Variants in SDCCAG8 observed in about 807,000 individuals in gnomAD.
The protein encoded by SDCCAG8 is serologically defined colon cancer antigen 8.
In SDCCAG8, 74 loss-of-function variants were observed where a neutral mutation model predicts 101.8. The ratio of observed to expected loss-of-function variants is 0.73; its 90% CI spans 0.60 to 0.88. SDCCAG8 has a LOEUF of 0.88. Ranked by LOEUF, SDCCAG8 falls within the 40% of genes least tolerant of loss-of-function variation. The pLI is 0.00. For missense variants in SDCCAG8, 787 were observed against 822.6 expected, an observed-to-expected ratio of 0.96 and a Z score of 0.53; for synonymous variants, 281 against 292.9, an observed-to-expected ratio of 0.96 and a Z score of 0.41.
intron 6 of SDCCAG8, among the ~76,000 whole-genome samples, chr1:243,303,127 C>T (rs1384388455): frequency 6.6e-6 from 1 of 152,144 alleles, no homozygotes; most frequent in Non-Finnish European, 1.5e-5. Context: ...ACACAAAGGA[C>T]TTAACAGAAG....
intron 13 of SDCCAG8, among the ~76,000 whole-genome samples, chr1:243,415,309 A>C (rs1209852376): frequency 6.6e-6 from 1 of 152,138 alleles, no homozygotes; most frequent in African/African-American, 2.4e-5. Context: ...TACAAAGCTT[A>C]GTTTTAAGAA....
At chr1:243,325,382 T>A (rs537211087) in intron 9 of SDCCAG8, among the ~76,000 whole-genome samples, 237 of 152,140 alleles carry the variant, frequency 1.6e-3, no homozygotes, top group African/African-American at 5.5e-3. Flanking sequence ...ACACTAGAAT[T>A]TTTGCTTTCT....
At chr1:243,295,156 G>A (rs1305423498) in intron 6 of SDCCAG8, among the ~76,000 whole-genome samples, 1 of 152,060 alleles carries the variant, frequency 6.6e-6, no homozygotes, top group African/African-American at 2.4e-5. Context: ...ATAGGATAAA[G>A]ACCAATGTCT....
At chr1:243,379,199 A>G (rs995279056) in intron 13 of SDCCAG8, among the ~76,000 whole-genome samples, 3 of 152,200 alleles carry the variant, frequency 2.0e-5, no homozygotes, top group Non-Finnish European at 4.4e-5. Flanking sequence ...GAACTGAAGG[A>G]TGTGAGGAAT....
intron 16 of SDCCAG8, among the ~76,000 whole-genome samples, chr1:243,441,460 C>T (rs1044664351): frequency 6.6e-6 from 1 of 150,718 alleles, no homozygotes; most frequent in Non-Finnish European, 1.5e-5. Flanking sequence ...TTTGGTTCTT[C>T]ATTTCTAGAA....
intron 13 of SDCCAG8, among the ~76,000 whole-genome samples, chr1:243,385,488 G>A (rs1316011246): frequency 6.6e-6 from 1 of 152,156 alleles, no homozygotes; most frequent in Non-Finnish European, 1.5e-5. Context: ...GATTACAGGG[G>A]GAGAGACAGA....
chr1:243,393,332 C>T (rs2078830180), intron 13 of SDCCAG8, among the ~76,000 whole-genome samples: 1 of 151,896 alleles, frequency 6.6e-6, no homozygotes, highest in Admixed American at 6.6e-5. Context: ...GGGAGGGGCT[C>T]CTTAGCAGAA....
chr1:243,337,204 C>G (rs1326760648), intron 10 of SDCCAG8, among the ~76,000 whole-genome samples: 1 of 152,012 alleles, frequency 6.6e-6, no homozygotes, highest in Non-Finnish European at 1.5e-5. Flanking sequence ...GGGTAAAAGC[C>G]CAGTTTCATT....
intron 17 of SDCCAG8, among the ~76,000 whole-genome samples, chr1:243,497,339 G>GT (rs763652540): frequency 7.0e-6 from 1 of 143,530 alleles, no homozygotes; most frequent in Non-Finnish European, 1.5e-5. Flanking sequence ...GGCACGGGTG[G>GT]GGGGGGGGGC....
chr1:243,420,283 G>C (rs930248136), intron 15 of SDCCAG8, among the ~76,000 whole-genome samples: 1 of 152,176 alleles, frequency 6.6e-6, no homozygotes, highest in Non-Finnish European at 1.5e-5. Context: ...ATTGTTATGG[G>C]AATTAGAATT....
Position 243,492,562 on chromosome 1 carries a change from C to T in SDCCAG8, c.2112+3422C>T, listed in dbSNP as rs184095465. Among the ~76,000 whole-genome samples the T allele has an allele frequency of 3.9e-3, 582 of 149,990 alleles. 16 individuals carry two copies. In the East Asian group the frequency reaches 0.056, roughly 15 times the overall value. ...CAAATGATCCGCCCACCTTAGCCTC[C>T]TAAAGTGCTGGGATTACAGGCGTGA... On this transcript the variant is annotated intron_variant, in intron 17 of 17. Coordinates refer to ENST00000366541, the MANE Select transcript of SDCCAG8 (RefSeq NM_006642.5).
At chr1:243,389,991 C>T (rs1333238713) in intron 13 of SDCCAG8, among the ~76,000 whole-genome samples, 2 of 152,148 alleles carry the variant, frequency 1.3e-5, no homozygotes, top group East Asian at 3.9e-4. Flanking sequence ...GTTCCCTTTG[C>T]TCTTTATTAT....
At chr1:243,300,967 A>G (rs1343832990) in intron 6 of SDCCAG8, among the ~76,000 whole-genome samples, 1 of 152,198 alleles carries the variant, frequency 6.6e-6, no homozygotes, top group African/African-American at 2.4e-5. Context: ...AATATGAAAA[A>G]ATTAAGAAAG....
At position 243,405,783 on chromosome 1, in the gene SDCCAG8, A is replaced by G. The variant is rs182572614; in HGVS notation, c.1617-9919A>G. Among the ~76,000 whole-genome samples, 45 of 152,058 alleles carry G rather than the reference A, an allele frequency of 3.0e-4. No homozygotes were observed. The South Asian group carries it at 3.9e-3, about 13-fold the overall frequency. On this transcript the variant is annotated intron_variant, in intron 13 of 17. Transcript: ENST00000366541. ...ATGCATGCATTACTCTGTCATACTT[A>G]TGAGATAAAATATAATAAAAAATAT...
Position 243,380,912 on chromosome 1 carries a change from G to T in SDCCAG8, c.1616+2049G>T, listed in dbSNP as rs1171532437. On this transcript the variant is annotated intron_variant, in intron 13 of 17. Coordinates refer to ENST00000366541, the MANE Select transcript of SDCCAG8 (RefSeq NM_006642.5). The stretch of plus-strand genomic sequence containing the variant: ...ACTGACAATGTGATTTGGTTGTTGG[G>T]CTATTTCTGATATATAGTACTTTTT... 2.0e-5 allele frequency among the ~76,000 whole-genome samples: 3 copies of T among 152,102 alleles called. No individual in the cohort carries two copies. The South Asian group carries it at 6.2e-4, about 32-fold the overall frequency.
chr1:243,273,771 T>C (rs906839039), intron 3 of SDCCAG8, among the ~76,000 whole-genome samples: 7 of 152,234 alleles, frequency 4.6e-5, no homozygotes, highest in Non-Finnish European at 4.4e-5. Flanking sequence ...TTGTCCCTTG[T>C]ATCTCAGCAT....
chr1:243,497,121 A>T (rs1353374115), intron 17 of SDCCAG8, among the ~76,000 whole-genome samples: 4 of 152,190 alleles, frequency 2.6e-5, no homozygotes, highest in African/African-American at 9.7e-5. Context: ...GGTGTTGATG[A>T]CAGGACTTCC....
intron 1 of SDCCAG8, among the ~76,000 whole-genome samples, chr1:243,268,834 C>G (rs1036981235): frequency 6.6e-6 from 1 of 152,180 alleles, no homozygotes; most frequent in South Asian, 2.1e-4. Context: ...TGAATCAGGT[C>G]TCTTTCGTGC....
At chr1:243,406,672 G>T (rs2079806267) in intron 13 of SDCCAG8, among the ~76,000 whole-genome samples, 1 of 152,066 alleles carries the variant, frequency 6.6e-6, no homozygotes, top group African/African-American at 2.4e-5. Context: ...ATAGCTTCAT[G>T]TTCTGGCTCC....
Sources: gnomAD v4.1 joint callset for allele counts (sites outside exome capture counted in the v4.1 genomes callset) on GRCh38, gnomAD v4.1.1 for gene constraint, MANE v1.5 for transcripts, NCBI Gene and HGNC (gene_info 2026-07-23, HGNC 2026-07-21) for gene names.